The following ZBTB46 variants were observed in gnomAD, a reference collection of about 807,000 sequenced individuals.
The protein encoded by ZBTB46 is zinc finger and BTB domain containing 46, also known as zinc finger and BTB domain-containing protein 46.
ZBTB46 carries 8 observed loss-of-function variants against 44.1 expected under a neutral mutation model. The observed-to-expected ratio is 0.18, with a 90% CI of 0.11 to 0.33. ZBTB46 has a LOEUF of 0.33. ZBTB46 is among the 10% of genes least tolerant of loss of function. The pLI is 1.00. For missense variants in ZBTB46, 651 were observed against 847.7 expected (o/e 0.77, Z 2.88); for synonymous variants, 409 against 382.3 (o/e 1.07, Z -0.81).
intron 3 of ZBTB46, among the ~76,000 whole-genome samples, chr20:63,765,055 ATGTT>A (rs1318546021): frequency 5.1e-5 from 6 of 117,376 alleles, no homozygotes; most frequent in East Asian, 2.2e-4. Context: ...GTGTGTGTGT[ATGTT>A]TGTATGTGCA....
chr20:63,813,143 G>A (rs1287583859), intron 1 of ZBTB46, among the ~76,000 whole-genome samples: 3 of 151,808 alleles, frequency 2.0e-5, no homozygotes, highest in Admixed American at 6.6e-5. Context: ...GAAACAACCC[G>A]TGTTTTAAAA....
upstream of ZBTB46, among the ~76,000 whole-genome samples, chr20:63,833,154 A>T (rs940335630): frequency 1.3e-5 from 2 of 152,206 alleles, no homozygotes; most frequent in African/African-American, 2.4e-5. Flanking sequence ...CCATGCAGGG[A>T]TGGAGAGCAG....
chr20:63,816,574 G>C (rs1450239473), intron 1 of ZBTB46: 1 of 152,342 alleles, frequency 6.6e-6, no homozygotes, highest in Non-Finnish European at 1.5e-5. Context: ...GTGGCCACGA[G>C]AGGTAGCAGC....
intron 3 of ZBTB46, among the ~76,000 whole-genome samples, chr20:63,771,269 G>A (rs1383186834): frequency 6.6e-6 from 1 of 152,020 alleles, no homozygotes; most frequent in Non-Finnish European, 1.5e-5. Context: ...AGAGCTGCAA[G>A]ATGGCGGGGG....
rs1439662445 is a variant in ZBTB46, at chr20:63,777,119, CCACACGCCACGGTTCCAG to C, written c.938-1175_938-1158del. On this transcript the variant is annotated intron_variant, in intron 2 of 4. Transcript: ENST00000245663. Reference sequence around the variant, plus strand: ...GGTTCCAGCACACGCCACGGTTCCACCACACGCCACGGTTCCAGCACACGCCACGGTTCCAGCACACAC... The same window carrying C: ...GGTTCCAGCACACGCCACGGTTCCACCACACGCCACGGTTCCAGCACACAC... Among the ~76,000 whole-genome samples the C allele has an allele frequency of 1.4e-4, 7 of 48,334 alleles. 1 individual carries two copies. The highest frequency in any genetic ancestry group is 1.5e-3 in the South Asian group (2 of 1,314). The allele number at this position is 48,334 out of a possible 152,430, so 31.7% of individuals were successfully genotyped here. A position where few individuals can be genotyped will look rare whatever the true frequency, so the allele number is the denominator to read the frequency against.
intron 1 of ZBTB46, among the ~76,000 whole-genome samples, chr20:63,818,017 C>T (rs2092769918): frequency 6.6e-6 from 1 of 152,220 alleles, no homozygotes; most frequent in African/African-American, 2.4e-5. Flanking sequence ...CCCAGGAACT[C>T]GCCCAAACAG....
At chr20:63,809,342 G>A (rs2092704585) in intron 1 of ZBTB46, among the ~76,000 whole-genome samples, 1 of 152,206 alleles carries the variant, frequency 6.6e-6, no homozygotes, top group South Asian at 2.1e-4. Flanking sequence ...GGCCTGCTGG[G>A]GTGGTGGCCC....
At chr20:63,753,736 A>G (rs2145773638) in intron 3 of ZBTB46, among the ~76,000 whole-genome samples, 1 of 152,314 alleles carries the variant, frequency 6.6e-6, no homozygotes, top group African/African-American at 2.4e-5. Context: ...TACTGTGACC[A>G]CCTTTCAGTG....
chr20:63,804,709 T>C (rs1015763396), intron 1 of ZBTB46, among the ~76,000 whole-genome samples: 3 of 151,730 alleles, frequency 2.0e-5, no homozygotes, highest in African/African-American at 7.3e-5. Flanking sequence ...CTGGCCAACA[T>C]GGTGAAACCC....
At chr20:63,779,228 A>T (rs6512291) in intron 2 of ZBTB46, among the ~76,000 whole-genome samples, 3,736 of 36,508 alleles carry the variant, frequency 0.1, 160 homozygotes, top group African/African-American at 0.24. Flanking sequence ...TATTTTATTT[A>T]ATTAATTAAT....
In ZBTB46 at chr20:63,747,032, G is replaced by A. The variant is rs1360485247; in HGVS notation, c.1668C>T (p.Ala556=). ...EELGEDDEGL[A]PEDALLADDK... ...CGTCCGCCAACAGCGCATCCTCAGG[G>A]GCCAGGCCCTCGTCGTCCTCGCCCA... Residue 556 remains alanine (A), a synonymous_variant, in exon 5 of 5, where the codon GCC becomes GCT. Coordinates refer to ENST00000245663, the MANE Select transcript of ZBTB46 (RefSeq NM_001369741.1). The A allele has an allele frequency of 6.2e-7, 1 of 1,608,262 alleles. No homozygotes were observed. The highest frequency in any genetic ancestry group is 2.2e-5 in the East Asian group (1 of 44,800).
intron 2 of ZBTB46, among the ~76,000 whole-genome samples, chr20:63,782,197 A>ACCCCCGAGC (rs11473055): frequency 6.6e-6 from 1 of 150,872 alleles, no homozygotes; most frequent in African/African-American, 2.4e-5. Flanking sequence ...CCAGGCTGCA[A>ACCCCCGAGC]CCCCCGAGCC....
chr20:63,821,936 A>G (rs1299163663), intron 1 of ZBTB46, among the ~76,000 whole-genome samples: 1 of 152,160 alleles, frequency 6.6e-6, no homozygotes, highest in Non-Finnish European at 1.5e-5. Context: ...ATCACTAACA[A>G]TTCTCAGAGC....
At chr20:63,814,352 G>A (rs1014886244) in intron 1 of ZBTB46, among the ~76,000 whole-genome samples, 2 of 152,174 alleles carry the variant, frequency 1.3e-5, no homozygotes, top group Non-Finnish European at 2.9e-5. Context: ...AGGCGACGTG[G>A]ACGTTCTCTC....
chr20:63,775,753 G>A lies in ZBTB46; in HGVS notation c.1147C>T (p.Leu383=), dbSNP rs542468027. ...ALMSKNSLLS[L]KADVLGDDGS... Reference sequence around the variant, plus strand: ...TCATCCCCCAGCACGTCGGCCTTCAGCGACAGCAGGCTGTTCTTACTCATG... The same window carrying A: ...TCATCCCCCAGCACGTCGGCCTTCAACGACAGCAGGCTGTTCTTACTCATG... Residue 383 remains leucine (L), a synonymous_variant, in exon 3 of 5, where the codon CTG becomes TTG. Transcript: ENST00000245663. The A allele has an allele frequency of 3.1e-6, 5 of 1,612,846 alleles. No homozygotes were observed. The African/African-American group carries it at 6.7e-5, about 21-fold the overall frequency.
In ZBTB46 at chr20:63,800,035, G is replaced by A. The variant is rs780876529; in HGVS notation, c.-33-9245C>T. ...AACAGCCAAGGTTTGGGAACAACCCGAATGTCCAAATGTGCATCAACAGGT... is the reference window on the plus strand; with the variant it reads ...AACAGCCAAGGTTTGGGAACAACCCAAATGTCCAAATGTGCATCAACAGGT... On this transcript the variant is annotated intron_variant, in intron 1 of 4. Transcript: ENST00000245663. 2.9e-4 allele frequency among the ~76,000 whole-genome samples: 44 copies of A among 152,270 alleles called. 1 individual carries two copies. The East Asian group carries it at 4.4e-3, about 15-fold the overall frequency.
chr20:63,818,949 C>T (rs1031202605), intron 1 of ZBTB46, among the ~76,000 whole-genome samples: 4 of 150,206 alleles, frequency 2.7e-5, no homozygotes, highest in Non-Finnish European at 2.9e-5. Flanking sequence ...CCAAGGTGGG[C>T]GGATCACAAG....
chr20:63,827,491 C>T (rs2092825638), intron 1 of ZBTB46, among the ~76,000 whole-genome samples: 2 of 151,626 alleles, frequency 1.3e-5, no homozygotes, highest in Admixed American at 1.3e-4. Context: ...GCCTGTAGTC[C>T]CAGCTACTCG....
intron 1 of ZBTB46, among the ~76,000 whole-genome samples, chr20:63,827,111 G>C (rs1160389427): frequency 6.6e-6 from 1 of 152,102 alleles, no homozygotes; most frequent in African/African-American, 2.4e-5. Flanking sequence ...TCCCAGCCTT[G>C]GGCCGTTTCT....
Sources: gnomAD v4.1 joint callset for allele counts (sites outside exome capture counted in the v4.1 genomes callset) on GRCh38, gnomAD v4.1.1 for gene constraint, MANE v1.5 for transcripts, NCBI Gene and HGNC (gene_info 2026-07-23, HGNC 2026-07-21) for gene names.